The following ARHGAP21 variants were observed in gnomAD, a reference collection of about 807,000 sequenced individuals.
ARHGAP21 encodes the protein Rho GTPase activating protein 21.
A neutral mutation model predicts 164.6 loss-of-function variants in ARHGAP21; 38 were observed. The ratio of observed to expected loss-of-function variants is 0.23; its 90% CI spans 0.18 to 0.30. The LOEUF (loss-of-function observed/expected upper bound fraction) is 0.30, where lower values mean the gene tolerates loss of function less well. ARHGAP21 is among the 10% of genes least tolerant of loss of function. The pLI is 1.00. For missense variants in ARHGAP21, 1,822 were observed against 2,370.7 expected (o/e 0.77, Z 4.81); for synonymous variants, 766 against 857.9 (o/e 0.89, Z 1.87).
intron 4 of ARHGAP21, among the ~76,000 whole-genome samples, chr10:24,639,295 C>G (rs1288466595): frequency 6.6e-6 from 1 of 152,030 alleles, no homozygotes; most frequent in Non-Finnish European, 1.5e-5. Context: ...AACCCTATAT[C>G]CAAGTGATTT....
chr10:24,589,516 C>A, intron 24 of ARHGAP21: 1 of 486,804 alleles, frequency 2.1e-6, no homozygotes, highest in South Asian at 3.0e-5. Context: ...TAGGCAGAAC[C>A]AGCTCAATGA....
intron 4 of ARHGAP21, among the ~76,000 whole-genome samples, chr10:24,654,992 C>G (rs560198759): frequency 6.6e-6 from 1 of 152,274 alleles, no homozygotes; most frequent in African/African-American, 2.4e-5. Flanking sequence ...TGATCTTTGA[C>G]AAACCTGACA....
chr10:24,657,537 C>T (rs1363452695), intron 4 of ARHGAP21, among the ~76,000 whole-genome samples: 61 of 120,068 alleles, frequency 5.1e-4, no homozygotes, highest in African/African-American at 1.7e-3. Flanking sequence ...GCCACCACCC[C>T]GTCTGGGAGG....
Position 24,584,373 on chromosome 10 carries a change from A to G in ARHGAP21, c.*39T>C. 2 of 1,528,980 alleles carry G rather than the reference A, an allele frequency of 1.3e-6. No homozygotes were observed. The highest frequency in any genetic ancestry group is 1.8e-6 in the Non-Finnish European group (2 of 1,139,856). 94.7% of individuals were successfully genotyped at this position (1,528,980 alleles called of 1,614,324 possible). A position where few individuals can be genotyped will look rare whatever the true frequency, so the allele number is the denominator to read the frequency against. ...TGACAGAGTTACTGGAACGTGTAACAGTAGTTTTTTTACTTGCTAGAGTGG... is the reference window on the plus strand; with the variant it reads ...TGACAGAGTTACTGGAACGTGTAACGGTAGTTTTTTTACTTGCTAGAGTGG... On this transcript the variant is annotated 3_prime_UTR_variant, in exon 26 of 26. Coordinates refer to ENST00000396432, the MANE Select transcript of ARHGAP21 (RefSeq NM_020824.4).
At chr10:24,701,944 A>G (rs1351860875) in intron 2 of ARHGAP21, among the ~76,000 whole-genome samples, 1 of 152,114 alleles carries the variant, frequency 6.6e-6, no homozygotes, top group Non-Finnish European at 1.5e-5. Flanking sequence ...AACAGCTGTC[A>G]TTGGACTTGA....
chr10:24,614,503 T>C (rs534796338), intron 9 of ARHGAP21, among the ~76,000 whole-genome samples: 3 of 152,278 alleles, frequency 2.0e-5, no homozygotes, highest in Middle Eastern at 6.8e-3. Flanking sequence ...TTATAAGAGC[T>C]AGGTTTTGGG....
chr10:24,599,023 C>T (rs2076700623), intron 14 of ARHGAP21, among the ~76,000 whole-genome samples: 1 of 152,146 alleles, frequency 6.6e-6, no homozygotes, highest in Non-Finnish European at 1.5e-5. Context: ...GGTATGTGCT[C>T]AGTGAATTAT....
At chr10:24,667,056 A>G in intron 3 of ARHGAP21, 47 bp from the exon 4 acceptor site, 1 of 1,075,342 alleles carries the variant, frequency 9.3e-7, no homozygotes, top group Non-Finnish European at 1.3e-6. Flanking sequence ...ATATTTATAA[A>G]CTCTTGTTAA....
At chr10:24,670,134 T>C in intron 3 of ARHGAP21, 84 bp downstream of exon 3, 3 of 908,222 alleles carry the variant, frequency 3.3e-6, no homozygotes, top group South Asian at 3.4e-5. Context: ...AAAAAGGCCA[T>C]AGGGAAGGGT....
At position 24,620,279 on chromosome 10, in the gene ARHGAP21, C is replaced by T. The variant is rs370212311; in HGVS notation, c.1616G>A (p.Gly539Asp). Residue 539 changes from glycine (G) to aspartate (D), a missense_variant, in exon 9 of 26, where the codon GGT (glycine) becomes GAT (aspartate). Physicochemically the swap from Gly to Asp is moderately conservative, Grantham distance 94. Coordinates refer to ENST00000396432, the MANE Select transcript of ARHGAP21 (RefSeq NM_020824.4). The part of the protein sequence containing the change: ...SGFTEQDDRR[G>D]ICERPRQQEI... ...TTGCTGCCTAGGTCTTTCACAAATA[C>T]CTCGTCTATCATCCTGTTCAGTAAA... The T allele has an allele frequency of 2.2e-5, 35 of 1,613,836 alleles. No homozygotes were observed. The highest frequency in any genetic ancestry group is 2.8e-5 in the Non-Finnish European group (33 of 1,179,874).
At chr10:24,659,135 T>C (rs1839410068) in intron 4 of ARHGAP21, among the ~76,000 whole-genome samples, 1 of 152,168 alleles carries the variant, frequency 6.6e-6, no homozygotes, top group Non-Finnish European at 1.5e-5. Flanking sequence ...TGGCAGTTCC[T>C]CAAAATATGA....
At chr10:24,671,507 G>T (rs1840701660) in intron 2 of ARHGAP21, among the ~76,000 whole-genome samples, 1 of 151,934 alleles carries the variant, frequency 6.6e-6, no homozygotes, top group South Asian at 2.1e-4. Flanking sequence ...CTGCAACCGT[G>T]CCCATGTTCC....
At chr10:24,677,763 T>C (rs1037183586) in intron 2 of ARHGAP21, among the ~76,000 whole-genome samples, 2 of 152,234 alleles carry the variant, frequency 1.3e-5, no homozygotes, top group African/African-American at 4.8e-5. Context: ...GAGTTCATTG[T>C]ATATGTGCAG....
rs145068247 is a variant in ARHGAP21 at position 24,600,866 on chromosome 10, T to C, written c.2912A>G (p.Tyr971Cys). 251 of 1,614,078 alleles carry C rather than the reference T, an allele frequency of 1.6e-4. No homozygotes were observed. Among genetic ancestry groups the C allele is most frequent in the Non-Finnish European group, 2.0e-4 (231 of 1,180,026 alleles). ...MYVVLRGHSLYLYKDKREQTT... is the reference protein window; with the variant it reads ...MYVVLRGHSLCLYKDKREQTT... ...CTGCTCTCTTTTATCTTTGTACAGGTAAAGTGAATGACCCCGAAGGACAAC... is the reference window on the plus strand; with the variant it reads ...CTGCTCTCTTTTATCTTTGTACAGGCAAAGTGAATGACCCCGAAGGACAAC... The change falls in exon 14 of 26, where the codon TAC becomes TGC. Residue 971 changes from tyrosine (Y) to cysteine (C), a missense_variant. Tyr to Cys is a radical substitution (Grantham distance 194). Around this residue, in one of 5 missense-constraint regions of ARHGAP21, gnomAD observed 1,090 missense variants for 1,378.9 expected, o/e 0.79. Transcript: ENST00000396432.
In ARHGAP21 at chr10:24,645,347, G is replaced by A. The variant is rs564486720; in HGVS notation, c.269-10244C>T. 6.0e-4 allele frequency among the ~76,000 whole-genome samples: 91 copies of A among 152,236 alleles called. 1 individual carries two copies. Among genetic ancestry groups the A allele is most frequent in the Non-Finnish European group, 9.4e-4 (64 of 68,030 alleles). On this transcript the variant is annotated intron_variant, in intron 4 of 25. Coordinates refer to ENST00000396432, the MANE Select transcript of ARHGAP21 (RefSeq NM_020824.4). ...TGTAATCCCAGCATTTTGGGAGGCT[G>A]AGATGGGTTGATCACCTGCAGTCAG...
At chr10:24,711,172 AAG>A (rs769274241) in intron 2 of ARHGAP21, among the ~76,000 whole-genome samples, 16 of 151,050 alleles carry the variant, frequency 1.1e-4, no homozygotes, top group Non-Finnish European at 1.9e-4. Flanking sequence ...AAGAGAAAGA[AAG>A]AGAGAAAGAG....
chr10:24,642,514 C>CAAAAAA (rs57154901), intron 4 of ARHGAP21, among the ~76,000 whole-genome samples: 2 of 47,922 alleles, frequency 4.2e-5, no homozygotes, highest in South Asian at 7.0e-4. Context: ...GACTCCGTCT[C>CAAAAAA]AAAAAAAAAA....
chr10:24,681,531 C>T (rs1188607263), intron 2 of ARHGAP21, among the ~76,000 whole-genome samples: 3 of 151,970 alleles, frequency 2.0e-5, no homozygotes, highest in Non-Finnish European at 4.4e-5. Context: ...TTCATAAGAC[C>T]CAAGAAAGCA....
rs573847514 is a variant in ARHGAP21, at chr10:24,592,952, T to C, written c.3877-940A>G. On this transcript the variant is annotated intron_variant, in intron 21 of 25. Transcript: ENST00000396432. ...CATTAATTTCCATATTTGGTATTCC[T>C]TGTATAATAATTATCAGATTGTCAA... Among the ~76,000 whole-genome samples the C allele has an allele frequency of 1.6e-3, 248 of 152,302 alleles. 1 individual carries two copies. Among genetic ancestry groups the C allele is most frequent in the African/African-American group, 5.7e-3 (237 of 41,562 alleles).
Sources: gnomAD v4.1 joint callset for allele counts (sites outside exome capture counted in the v4.1 genomes callset) on GRCh38, gnomAD v4.1.1 for gene constraint, gnomAD v4.1.1 regional missense constraint, MANE v1.5 for transcripts, NCBI Gene and HGNC (gene_info 2026-07-23, HGNC 2026-07-21) for gene names.